Variants in NUDT7 observed in about 807,000 individuals in gnomAD.
NUDT7 encodes the protein peroxisomal coenzyme A diphosphatase NUDT7.
In NUDT7, 19 loss-of-function variants were observed where a neutral mutation model predicts 13.1. The ratio of observed to expected loss-of-function variants is 1.45; its 90% CI spans 1.01 to 2.13. The LOEUF is 2.13. NUDT7 is among the 30% of genes most tolerant of loss of function. The pLI is 0.00. For missense variants in NUDT7, 360 were observed against 291.7 expected (o/e 1.23, Z -1.71); for synonymous variants, 132 against 109.7 (o/e 1.20, Z -1.27).
rs183192849 is a variant in NUDT7, at chr16:77,727,135, G to A, written c.189+1551G>A. Among the ~76,000 whole-genome samples the A allele has an allele frequency of 3.2e-3, 483 of 152,154 alleles. 3 individuals are homozygous for A. The highest frequency in any genetic ancestry group is 4.9e-3 in the Non-Finnish European group (335 of 68,000). On this transcript the variant is annotated intron_variant, in intron 2 of 3. Transcript: ENST00000268533. The stretch of plus-strand genomic sequence containing the variant: ...CAACCAGACCCCACCTCCAACACTG[G>A]GGACTCCAGTTCAACATGAGATTTG...
intron 2 of NUDT7, among the ~76,000 whole-genome samples, chr16:77,729,988 C>A (rs796447694): frequency 6.0e-5 from 8 of 133,840 alleles, no homozygotes; most frequent in African/African-American, 2.1e-4. Context: ...CATTACCTCA[C>A]ATAGTAACAT....
In NUDT7 at chr16:77,725,541, A is replaced by C. The variant is rs2145102534; in HGVS notation, c.146A>C (p.Lys49Thr). ...TCCGTCCTTTTGCCATTGGTGGCTAAAGAAGGAAAACTCCATTTGTTGTTC... is the reference window on the plus strand; with the variant it reads ...TCCGTCCTTTTGCCATTGGTGGCTACAGAAGGAAAACTCCATTTGTTGTTC... ...KYSVLLPLVA[K>T]EGKLHLLFTV... Residue 49 changes from lysine (K) to threonine (T), a missense_variant, in exon 2 of 4, where the codon AAA becomes ACA. Physicochemically the swap from Lys to Thr is moderately conservative, Grantham distance 78 (BLOSUM62 -1). Coordinates refer to ENST00000268533, the MANE Select transcript of NUDT7 (RefSeq NM_001105663.3). The C allele has an allele frequency of 6.2e-7, 1 of 1,614,150 alleles. No individual in the cohort carries two copies. Among genetic ancestry groups the C allele is most frequent in the East Asian group, 2.2e-5 (1 of 44,874 alleles).
At chr16:77,734,816 CAG>C (rs2014428073) in intron 2 of NUDT7, among the ~76,000 whole-genome samples, 1 of 152,030 alleles carries the variant, frequency 6.6e-6, no homozygotes. Context: ...GGTAAATCCA[CAG>C]AGACAGAAAG....
At chr16:77,736,384 C>G (rs1227373841) in intron 3 of NUDT7, 1 of 175,464 alleles carries the variant, frequency 5.7e-6, no homozygotes, top group African/African-American at 2.4e-5. Context: ...CCCTTGGAGA[C>G]CACCAATGCA....
intron 2 of NUDT7, chr16:77,735,360 C>T: frequency 1.9e-6 from 1 of 526,904 alleles, no homozygotes; most frequent in South Asian, 3.0e-5. Context: ...AAGTGTGTAG[C>T]ACCTCCCCTC....
intron 3 of NUDT7, among the ~76,000 whole-genome samples, chr16:77,738,252 G>A (rs2014550945): frequency 6.6e-6 from 1 of 151,766 alleles, no homozygotes; most frequent in Admixed American, 6.6e-5. Flanking sequence ...CTGTTCCCAA[G>A]GTCCCCAGGT....
chr16:77,729,979 AT>A (rs919090490), intron 2 of NUDT7, among the ~76,000 whole-genome samples: 1 of 119,146 alleles, frequency 8.4e-6, no homozygotes, highest in Non-Finnish European at 1.7e-5. Flanking sequence ...TACCACACAC[AT>A]TACCTCACAT....
chr16:77,739,709 C>T (rs901269857), intron 3 of NUDT7, among the ~76,000 whole-genome samples: 4 of 152,132 alleles, frequency 2.6e-5, no homozygotes, highest in African/African-American at 9.7e-5. Context: ...CTGGTTCAAA[C>T]GCCTCTGACA....
At chr16:77,733,959 A>G (rs1180335173) in intron 2 of NUDT7, among the ~76,000 whole-genome samples, 2 of 152,156 alleles carry the variant, frequency 1.3e-5, no homozygotes, top group African/African-American at 4.8e-5. Flanking sequence ...AAGATATGAG[A>G]GAAATAATTT....
At chr16:77,722,758 C>T (rs1340922923) in intron 1 of NUDT7, 141 bp downstream of exon 1, 4 of 754,776 alleles carry the variant, frequency 5.3e-6, no homozygotes, top group African/African-American at 5.2e-5. Flanking sequence ...GGGGAGCACT[C>T]GCCTCCAGCA....
chr16:77,735,517 C>G (rs576735851), intron 2 of NUDT7: 2 of 566,994 alleles, frequency 3.5e-6, no homozygotes, highest in South Asian at 5.2e-5. Flanking sequence ...TGTGAGCCAA[C>G]CAAACCTCTT....
chr16:77,730,558 G>A (rs1409579018), intron 2 of NUDT7, among the ~76,000 whole-genome samples: 1 of 152,142 alleles, frequency 6.6e-6, no homozygotes, highest in African/African-American at 2.4e-5. Flanking sequence ...TGTGAACAAT[G>A]CTGCAGTAAA....
At chr16:77,728,199 A>G (rs919337909) in intron 2 of NUDT7, among the ~76,000 whole-genome samples, 2 of 151,966 alleles carry the variant, frequency 1.3e-5, no homozygotes, top group Non-Finnish European at 2.9e-5. Flanking sequence ...CCCTTCTCAA[A>G]TGTGCAATCT....
At chr16:77,722,715 A>G in intron 1 of NUDT7, 98 bp downstream of exon 1, 1 of 1,198,710 alleles carries the variant, frequency 8.3e-7, no homozygotes. Flanking sequence ...CTGATTTTGC[A>G]GCTCCCGCCA....
chr16:77,740,138 G>A (rs954034548), intron 3 of NUDT7, among the ~76,000 whole-genome samples: 1 of 152,194 alleles, frequency 6.6e-6, no homozygotes, highest in Middle Eastern at 3.4e-3. Context: ...CTCTGCCCTC[G>A]GGTAACTTAA....
chr16:77,730,827 T>C (rs1437736962), intron 2 of NUDT7, among the ~76,000 whole-genome samples: 1 of 152,180 alleles, frequency 6.6e-6, no homozygotes, highest in Non-Finnish European at 1.5e-5. Context: ...AATGTCTCTC[T>C]GTGGTTTTAA....
chr16:77,726,131 A>G (rs943280313), intron 2 of NUDT7, among the ~76,000 whole-genome samples: 1 of 152,236 alleles, frequency 6.6e-6, no homozygotes, highest in African/African-American at 2.4e-5. Context: ...ATAGAAGTTA[A>G]CGGCCTAGGC....
chr16:77,725,215 A>G (rs2145101770), intron 1 of NUDT7, among the ~76,000 whole-genome samples: 1 of 152,338 alleles, frequency 6.6e-6, no homozygotes, highest in East Asian at 1.9e-4. Flanking sequence ...CCTGTGTACT[A>G]AACTGTGTGC....
chr16:77,731,417 T>A (rs908954687), intron 2 of NUDT7, among the ~76,000 whole-genome samples: 3 of 152,128 alleles, frequency 2.0e-5, no homozygotes, highest in Non-Finnish European at 2.9e-5. Flanking sequence ...CCAACTGACA[T>A]CATAGCAGTC....
Sources: allele counts gnomAD v4.1 joint callset (sites outside exome capture counted in the v4.1 genomes callset), GRCh38; gene constraint gnomAD v4.1.1; transcripts MANE v1.5; gene names NCBI Gene and HGNC (gene_info 2026-07-23, HGNC 2026-07-21).